The following FAM135B variants were observed in gnomAD, a reference collection of about 807,000 sequenced individuals.
FAM135B encodes the protein protein FAM135B.
Under a neutral mutation model 127.7 loss-of-function variants are expected in FAM135B, and 43 were observed. That is an observed-to-expected ratio of 0.34 (90% CI 0.26 to 0.43). The LOEUF (loss-of-function observed/expected upper bound fraction) is 0.43, where lower values mean the gene tolerates loss of function less well. FAM135B is among the 20% of genes least tolerant of loss of function. FAM135B has a pLI of 1.00. For synonymous variants in FAM135B, 670 were observed against 665.1 expected, an observed-to-expected ratio of 1.01 and a Z score of -0.11; for missense variants, 1,558 against 1,725.6, an observed-to-expected ratio of 0.90 and a Z score of 1.72.
chr8:138,146,264 C>A (rs79691084), intron 14 of FAM135B, among the ~76,000 whole-genome samples: 2 of 152,236 alleles, frequency 1.3e-5, no homozygotes, highest in Admixed American at 1.3e-4. Context: ...TTCTTTCTAG[C>A]GGTCCCACCT....
chr8:138,366,341 G>A (rs1830731514), intron 2 of FAM135B, among the ~76,000 whole-genome samples: 1 of 152,172 alleles, frequency 6.6e-6, no homozygotes, highest in Non-Finnish European at 1.5e-5. Flanking sequence ...AAGCAGAGTG[G>A]AGTGGTGCCA....
chr8:138,280,035 C>T (rs1018926415), intron 3 of FAM135B, among the ~76,000 whole-genome samples: 11 of 152,250 alleles, frequency 7.2e-5, no homozygotes, highest in Non-Finnish European at 1.3e-4. Flanking sequence ...GTTTTATAAA[C>T]GCATTTCACA....
chr8:138,280,440 C>T (rs1824175700), intron 3 of FAM135B, among the ~76,000 whole-genome samples: 1 of 152,106 alleles, frequency 6.6e-6, no homozygotes, highest in Admixed American at 6.5e-5. Context: ...TGTTTAGGCT[C>T]CAGGGCCACA....
At chr8:138,334,596 A>T (rs1828425562) in intron 2 of FAM135B, among the ~76,000 whole-genome samples, 1 of 152,030 alleles carries the variant, frequency 6.6e-6, no homozygotes, top group Non-Finnish European at 1.5e-5. Flanking sequence ...CTACGTGTCC[A>T]CATATTCTCA....
chr8:138,433,702 T>C (rs1835319204), intron 1 of FAM135B, among the ~76,000 whole-genome samples: 1 of 152,174 alleles, frequency 6.6e-6, no homozygotes, highest in South Asian at 2.1e-4. Flanking sequence ...ATCTCTTTGA[T>C]GTTCAAGTTT....
intron 1 of FAM135B, among the ~76,000 whole-genome samples, chr8:138,431,812 A>C (rs1284631780): frequency 6.6e-6 from 1 of 152,152 alleles, no homozygotes; most frequent in Non-Finnish European, 1.5e-5. Context: ...GGGTCCCTTT[A>C]GGTTTGCAAG....
At chr8:138,185,264 T>C (rs1815443503) in intron 9 of FAM135B, among the ~76,000 whole-genome samples, 1 of 152,184 alleles carries the variant, frequency 6.6e-6, no homozygotes, top group Non-Finnish European at 1.5e-5. Flanking sequence ...CAGTGCAGAC[T>C]AGGTGCTCAG....
intron 5 of FAM135B, among the ~76,000 whole-genome samples, chr8:138,255,496 G>A (rs900082264): frequency 6.6e-6 from 1 of 152,158 alleles, no homozygotes; most frequent in African/African-American, 2.4e-5. Flanking sequence ...TTCTGCAAAG[G>A]CCATCAGGAG....
At chr8:138,413,421 A>T (rs1833969023) in intron 1 of FAM135B, among the ~76,000 whole-genome samples, 1 of 152,164 alleles carries the variant, frequency 6.6e-6, no homozygotes, top group African/African-American at 2.4e-5. Flanking sequence ...CTCATCCAGC[A>T]ACTTAGGAAG....
chr8:138,404,861 A>G (rs1833364947), intron 1 of FAM135B, among the ~76,000 whole-genome samples: 1 of 152,148 alleles, frequency 6.6e-6, no homozygotes, highest in African/African-American at 2.4e-5. Flanking sequence ...TGAACCTCTT[A>G]AAGTCATCCA....
intron 3 of FAM135B, among the ~76,000 whole-genome samples, chr8:138,305,350 C>T (rs1317697755): frequency 6.6e-6 from 1 of 152,158 alleles, no homozygotes; most frequent in Non-Finnish European, 1.5e-5. Flanking sequence ...ACAGACCCCG[C>T]TCCCAAGCAT....
chr8:138,486,117 T>TG (rs1814974670), intron 1 of FAM135B, among the ~76,000 whole-genome samples: 1 of 151,810 alleles, frequency 6.6e-6, no homozygotes, highest in Non-Finnish European at 1.5e-5. Context: ...AAGGTACTGG[T>TG]GTAGCTGGCA....
intron 1 of FAM135B, among the ~76,000 whole-genome samples, chr8:138,441,987 C>T (rs998301359): frequency 1.3e-5 from 2 of 151,434 alleles, no homozygotes; most frequent in East Asian, 1.9e-4. Context: ...ACACACACAC[C>T]GAGTGATGCA....
chr8:138,380,898 T>G (rs933278760), intron 1 of FAM135B, among the ~76,000 whole-genome samples: 47 of 152,016 alleles, frequency 3.1e-4, no homozygotes, highest in African/African-American at 1.1e-3. Flanking sequence ...TATCAGAACT[T>G]TAGATCTTAC....
At chr8:138,438,921 G>A (rs1427689240) in intron 1 of FAM135B, 2 of 152,180 alleles carry the variant, frequency 1.3e-5, no homozygotes, top group African/African-American at 4.8e-5. Context: ...TGGCAACCTT[G>A]TGGGTGGGGT....
At chr8:138,462,508 A>G (rs555190363) in intron 1 of FAM135B, among the ~76,000 whole-genome samples, 2 of 152,064 alleles carry the variant, frequency 1.3e-5, no homozygotes, top group African/African-American at 2.4e-5. Context: ...TGGGTTTCCA[A>G]CTCTCACCCA....
intron 7 of FAM135B, among the ~76,000 whole-genome samples, chr8:138,214,769 A>T (rs1242540323): frequency 6.6e-6 from 1 of 152,230 alleles, no homozygotes; most frequent in African/African-American, 2.4e-5. Context: ...GCTTAGACTC[A>T]GAGGCATAAA....
chr8:138,310,174 CCTT>C (rs1439591526), intron 3 of FAM135B, among the ~76,000 whole-genome samples: 4 of 152,232 alleles, frequency 2.6e-5, no homozygotes, highest in Admixed American at 6.5e-5. Flanking sequence ...CTCAGCCTCT[CCTT>C]CTTCTTAAGG....
At chr8:138,406,830 T>C (rs978433254) in intron 1 of FAM135B, among the ~76,000 whole-genome samples, 14 of 150,956 alleles carry the variant, frequency 9.3e-5, no homozygotes, top group African/African-American at 3.4e-4. Context: ...ACTGGAAGCA[T>C]TCCCTTTGAA....
Sources: gnomAD v4.1 joint callset for allele counts (sites outside exome capture counted in the v4.1 genomes callset) on GRCh38, gnomAD v4.1.1 for gene constraint, MANE v1.5 for transcripts, NCBI Gene and HGNC (gene_info 2026-07-23, HGNC 2026-07-21) for gene names.